The following AGMO variants were observed in gnomAD, a reference collection of about 807,000 sequenced individuals.
The protein encoded by AGMO is glyceryl-ether monooxygenase.
A neutral mutation model predicts 60.2 loss-of-function variants in AGMO; 75 were observed. That is an observed-to-expected ratio of 1.25 (90% CI 1.03 to 1.51). The LOEUF is 1.51. Among genes scored for constraint, AGMO ranks in the 40% most tolerant of loss-of-function variants. AGMO has a pLI of 0.00. For synonymous variants in AGMO, 261 were observed against 177.1 expected (o/e 1.47, Z -3.76); for missense variants, 763 against 525.5 (o/e 1.45, Z -4.42).
intron 2 of AGMO, among the ~76,000 whole-genome samples, chr7:15,550,443 G>A (rs1784918017): frequency 6.6e-6 from 1 of 152,070 alleles, no homozygotes; most frequent in African/African-American, 2.4e-5. Flanking sequence ...GAAGAAAAGA[G>A]AGAAGAATCA....
the AGMO span, among the ~76,000 whole-genome samples, chr7:15,141,421 A>G: frequency 6.6e-6 from 1 of 152,058 alleles, no homozygotes; most frequent in Admixed American, 6.6e-5. Flanking sequence ...CGTCTCTATT[A>G]AAATATAAAA....
rs371376168 is a variant in AGMO at position 15,284,386 on chromosome 7, G to T, written c.1263+81128C>A. ...AAATAAGATTAAAAATGAAAATGAA[G>T]ACATTACAACTGACACTACAAAAAT... On this transcript the variant is annotated intron_variant, in intron 12 of 12. Coordinates refer to ENST00000342526, the MANE Select transcript of AGMO (RefSeq NM_001004320.2). 4.8e-4 allele frequency among the ~76,000 whole-genome samples: 73 copies of T among 151,926 alleles called. No homozygotes were observed. The South Asian group carries it at 0.014, about 29-fold the overall frequency.
At chr7:15,449,587 G>A (rs1781803969) in intron 3 of AGMO, among the ~76,000 whole-genome samples, 1 of 152,134 alleles carries the variant, frequency 6.6e-6, no homozygotes, top group Admixed American at 6.5e-5. Flanking sequence ...GGAGCAATAG[G>A]CTATACTATA....
chr7:15,527,662 T>C (rs1455076266), intron 3 of AGMO, among the ~76,000 whole-genome samples: 3 of 152,304 alleles, frequency 2.0e-5, no homozygotes, highest in South Asian at 4.1e-4. Context: ...TAGCCATATA[T>C]TGGAAGAAGA....
chr7:15,317,898 C>CACACACACGTATATATATAT (rs1354907587), intron 12 of AGMO, among the ~76,000 whole-genome samples: 7 of 144,590 alleles, frequency 4.8e-5, no homozygotes, highest in African/African-American at 8.0e-5. Context: ...TATATATATA[C>CACACACACGTATATATATAT]ACACACACGT....
At chr7:15,211,532 C>G (rs1781591320) in intron 12 of AGMO, among the ~76,000 whole-genome samples, 1 of 150,498 alleles carries the variant, frequency 6.6e-6, no homozygotes, top group South Asian at 2.1e-4. Context: ...ATTATGGACC[C>G]TGTCCTTTTA....
At chr7:15,268,889 C>G (rs1783513234) in intron 12 of AGMO, among the ~76,000 whole-genome samples, 1 of 151,974 alleles carries the variant, frequency 6.6e-6, no homozygotes, top group African/African-American at 2.4e-5. Flanking sequence ...GGGAATGCAT[C>G]TTACTAGGAC....
intron 12 of AGMO, among the ~76,000 whole-genome samples, chr7:15,263,307 C>T (rs573408454): frequency 6.6e-6 from 1 of 151,608 alleles, no homozygotes; most frequent in African/African-American, 2.4e-5. Flanking sequence ...TACAAATGGC[C>T]AACAAACATA....
chr7:15,213,817 G>A (rs548160561), intron 12 of AGMO, among the ~76,000 whole-genome samples: 1 of 152,102 alleles, frequency 6.6e-6, no homozygotes, highest in South Asian at 2.1e-4. Context: ...AGCATCAGCA[G>A]TAGCAATAAC....
the AGMO span, among the ~76,000 whole-genome samples, chr7:15,187,907 G>C: frequency 0.87 from 131,738 of 151,792 alleles, 57,407 homozygotes; most frequent in East Asian, 1. Context: ...ACTCCCCCCC[G>C]ACTGCCCATG....
intron 12 of AGMO, among the ~76,000 whole-genome samples, chr7:15,217,199 T>C (rs1583299252): frequency 1.3e-5 from 2 of 152,038 alleles, no homozygotes; most frequent in Admixed American, 1.3e-4. Flanking sequence ...CAATTTGTCA[T>C]ATGAAATTGT....
chr7:15,330,875 A>C lies in AGMO; in HGVS notation c.1263+34639T>G, dbSNP rs1024261681. The stretch of plus-strand genomic sequence containing the variant: ...GCTGACAAACTGGTCTTAATGATCT[A>C]TATTTTATGGCATTCAAATATTCTG... On this transcript the variant is annotated intron_variant, in intron 12 of 12. Transcript: ENST00000342526. 3.1e-4 allele frequency among the ~76,000 whole-genome samples: 47 copies of C among 152,136 alleles called. 1 individual carries two copies. Among genetic ancestry groups the C allele is most frequent in the African/African-American group, 1.1e-3 (45 of 41,502 alleles).
chr7:15,244,380 A>G (rs913582736), intron 12 of AGMO, among the ~76,000 whole-genome samples: 2 of 152,246 alleles, frequency 1.3e-5, no homozygotes, highest in Admixed American at 1.3e-4. Context: ...AAAAGAGGCT[A>G]TAGACTGTAT....
At chr7:15,213,500 A>C (rs1273024490) in intron 12 of AGMO, among the ~76,000 whole-genome samples, 1 of 151,964 alleles carries the variant, frequency 6.6e-6, no homozygotes, top group Non-Finnish European at 1.5e-5. Context: ...TATAATAAAA[A>C]GGATACATCA....
chr7:15,370,523 T>C (rs1783166619), intron 10 of AGMO, among the ~76,000 whole-genome samples: 1 of 152,226 alleles, frequency 6.6e-6, no homozygotes, highest in African/African-American at 2.4e-5. Flanking sequence ...TGTGTATGTG[T>C]TCCCTTTTCT....
chr7:15,493,456 C>A (rs1275395866), intron 3 of AGMO, among the ~76,000 whole-genome samples: 1 of 145,396 alleles, frequency 6.9e-6, no homozygotes, highest in Non-Finnish European at 1.5e-5. Context: ...TCACTGCAAG[C>A]TCCGCCTCCC....
chr7:15,275,560 C>G (rs1783757217), intron 12 of AGMO, among the ~76,000 whole-genome samples: 1 of 152,108 alleles, frequency 6.6e-6, no homozygotes. Context: ...TCTATCATAT[C>G]AATTTGCTCT....
the AGMO span, among the ~76,000 whole-genome samples, chr7:15,178,240 T>G: frequency 6.6e-6 from 1 of 152,318 alleles, no homozygotes; most frequent in African/African-American, 2.4e-5. Context: ...CAGAGAAATA[T>G]TCTGAGTCAT....
the AGMO span, among the ~76,000 whole-genome samples, chr7:15,148,286 G>A: frequency 6.6e-6 from 1 of 150,644 alleles, no homozygotes; most frequent in African/African-American, 2.4e-5. Flanking sequence ...TTCAAAGATA[G>A]GTTTGTGGAC....
Sources: allele counts gnomAD v4.1 joint callset (sites outside exome capture counted in the v4.1 genomes callset), GRCh38; gene constraint gnomAD v4.1.1; transcripts MANE v1.5; gene names NCBI Gene and HGNC (gene_info 2026-07-23, HGNC 2026-07-21).